Variants in MECOM observed in about 807,000 individuals in gnomAD.
MECOM encodes the protein histone-lysine N-methyltransferase MECOM.
Under a neutral mutation model 116.3 loss-of-function variants are expected in MECOM, and 13 were observed. The ratio of observed to expected loss-of-function variants is 0.11; its 90% CI spans 0.07 to 0.18. MECOM has a LOEUF of 0.18. Ranked by LOEUF, MECOM falls within the 10% of genes least tolerant of loss-of-function variation. The pLI, the probability that MECOM is intolerant of heterozygous loss-of-function variation, is 1.00. For missense variants in MECOM, 1,299 were observed against 1,509.0 expected (o/e 0.86, Z 2.31); for synonymous variants, 528 against 535.2 (o/e 0.99, Z 0.19).
intron 1 of MECOM, among the ~76,000 whole-genome samples, chr3:169,560,048 G>A (rs1248190276): frequency 1.3e-5 from 2 of 152,104 alleles, no homozygotes; most frequent in East Asian, 1.9e-4. Flanking sequence ...GTGCTGAGAT[G>A]CCCATGTTCT....
intron 16 of MECOM, 94 bp from the exon 17 acceptor site, chr3:169,085,137 C>T: frequency 6.7e-7 from 1 of 1,490,070 alleles, no homozygotes; most frequent in Non-Finnish European, 9.2e-7. Flanking sequence ...AGGGATGGGA[C>T]CCTGAGTAGG....
intron 1 of MECOM, among the ~76,000 whole-genome samples, chr3:169,624,735 G>A (rs957597784): frequency 6.6e-6 from 1 of 152,150 alleles, no homozygotes; most frequent in African/African-American, 2.4e-5. Flanking sequence ...CCCTGGTGGT[G>A]AACATGGAAC....
In MECOM at chr3:169,116,558, A is replaced by T; in HGVS notation, c.1314T>A (p.Phe438Leu). ...EGKNHFAAGG[F>L]FGQGISLPGT... Reference sequence around the variant, plus strand: ...CAGGAAGTGAAATGCCTTGGCCAAAAAATCCACCTGCCGCAAAATGGTTCT... The same window carrying T: ...CAGGAAGTGAAATGCCTTGGCCAAATAATCCACCTGCCGCAAAATGGTTCT... Residue 438 changes from phenylalanine (F) to leucine (L), a missense_variant, in exon 8 of 17, where the codon TTT becomes TTA. Phe to Leu is a conservative substitution (Grantham distance 22). Around this residue, in one of 6 missense-constraint regions of MECOM, gnomAD observed 238 missense variants for 273.1 expected, o/e 0.87. Transcript: ENST00000651503. 6.2e-7 allele frequency: 1 copy of T among 1,614,150 alleles called. No individual in the cohort carries two copies. The highest frequency in any genetic ancestry group is 1.1e-5 in the South Asian group (1 of 91,076).
intron 1 of MECOM, among the ~76,000 whole-genome samples, chr3:169,438,423 C>T (rs1743064822): frequency 6.6e-6 from 1 of 152,138 alleles, no homozygotes; most frequent in Non-Finnish European, 1.5e-5. Flanking sequence ...AGGGAGTATG[C>T]AGTGAGACAG....
At chr3:169,233,824 C>T (rs1488111) in intron 2 of MECOM, among the ~76,000 whole-genome samples, 60,785 of 151,996 alleles carry the variant, frequency 0.4, 13,750 homozygotes, top group Middle Eastern at 0.57. Flanking sequence ...CACCTAAATT[C>T]GTCACAGTAA....
intron 2 of MECOM, among the ~76,000 whole-genome samples, chr3:169,164,397 C>T (rs1743262169): frequency 6.6e-6 from 1 of 152,158 alleles, no homozygotes; most frequent in African/African-American, 2.4e-5. Context: ...TCTAATAAAC[C>T]TCTTTCTTTT....
chr3:169,312,186 G>A (rs908047274), intron 2 of MECOM, among the ~76,000 whole-genome samples: 1 of 152,188 alleles, frequency 6.6e-6, no homozygotes, highest in Non-Finnish European at 1.5e-5. Flanking sequence ...GAAGCAAGGA[G>A]ACCAACCAAG....
At chr3:169,095,011 T>A in intron 13 of MECOM, 65 bp downstream of exon 13, 1 of 1,333,892 alleles carries the variant, frequency 7.5e-7, no homozygotes, top group Non-Finnish European at 9.9e-7. Flanking sequence ...GATCACATTA[T>A]CTTATTATCT....
intron 1 of MECOM, among the ~76,000 whole-genome samples, chr3:169,387,922 C>T (rs1330240657): frequency 6.6e-6 from 1 of 152,060 alleles, no homozygotes; most frequent in African/African-American, 2.4e-5. Flanking sequence ...CCATTATGTT[C>T]CTCATTGCAG....
At chr3:169,542,639 T>A (rs1166174523) in intron 1 of MECOM, among the ~76,000 whole-genome samples, 1 of 152,232 alleles carries the variant, frequency 6.6e-6, no homozygotes, top group African/African-American at 2.4e-5. Flanking sequence ...CTGTGAAGTA[T>A]GAAGATGCTT....
At chr3:169,549,585 C>T (rs1436306468) in intron 1 of MECOM, among the ~76,000 whole-genome samples, 22 of 152,142 alleles carry the variant, frequency 1.4e-4, no homozygotes, top group Admixed American at 1.4e-3. Flanking sequence ...AACCACACTC[C>T]CCCAGTGCCA....
chr3:169,343,534 T>C (rs555920458), intron 2 of MECOM, among the ~76,000 whole-genome samples: 1 of 152,002 alleles, frequency 6.6e-6, no homozygotes, highest in African/African-American at 2.4e-5. Flanking sequence ...TGTATTTTTT[T>C]AAAAAAGAAA....
intron 9 of MECOM, 109 bp downstream of exon 9, chr3:169,112,678 G>T: frequency 1.2e-6 from 1 of 831,330 alleles, no homozygotes; most frequent in Non-Finnish European, 1.9e-6. Flanking sequence ...CCACACCAGC[G>T]TCATAGGAAA....
intron 1 of MECOM, among the ~76,000 whole-genome samples, chr3:169,473,565 T>C (rs1749886449): frequency 6.6e-6 from 1 of 152,070 alleles, no homozygotes; most frequent in African/African-American, 2.4e-5. Flanking sequence ...GGTCAGGAGA[T>C]CGAGACAATC....
chr3:169,510,032 C>A (rs1030119931), intron 1 of MECOM, among the ~76,000 whole-genome samples: 2 of 152,216 alleles, frequency 1.3e-5, no homozygotes, highest in Non-Finnish European at 2.9e-5. Context: ...CATGTTAAAC[C>A]AAAATCCTCT....
intron 2 of MECOM, among the ~76,000 whole-genome samples, chr3:169,182,824 G>T (rs908437632): frequency 6.6e-6 from 1 of 152,064 alleles, no homozygotes; most frequent in Non-Finnish European, 1.5e-5. Flanking sequence ...TAACTTTCCT[G>T]ATTTGCATTA....
In MECOM at chr3:169,278,631, T is replaced by G. The variant is rs115616738; in HGVS notation, c.375+102556A>C. Among the ~76,000 whole-genome samples the G allele has an allele frequency of 3.0e-3, 453 of 152,344 alleles. 2 individuals are homozygous for G. Among genetic ancestry groups the G allele is most frequent in the African/African-American group, 0.01 (436 of 41,584 alleles). On this transcript the variant is annotated intron_variant, in intron 2 of 16. Transcript: ENST00000651503. ...TATATAACTACAAGATTCTTCATCTTAATTCTCTCATAATCTGTCTGATAA... is the reference window on the plus strand; with the variant it reads ...TATATAACTACAAGATTCTTCATCTGAATTCTCTCATAATCTGTCTGATAA...
intron 2 of MECOM, among the ~76,000 whole-genome samples, chr3:169,372,584 G>A (rs1273425053): frequency 6.6e-6 from 1 of 151,868 alleles, no homozygotes. Flanking sequence ...TAGGAAACAA[G>A]AAATTGGAAA....
chr3:169,197,971 T>G (rs768625886), intron 2 of MECOM, among the ~76,000 whole-genome samples: 53 of 152,132 alleles, frequency 3.5e-4, no homozygotes, highest in Non-Finnish European at 5.7e-4. Context: ...CTCCGTGTGG[T>G]TGGCAGACTT....
Sources: allele counts gnomAD v4.1 joint callset (sites outside exome capture counted in the v4.1 genomes callset), GRCh38; gene constraint gnomAD v4.1.1; regional missense constraint gnomAD v4.1.1; transcripts MANE v1.5; gene names NCBI Gene and HGNC (gene_info 2026-07-23, HGNC 2026-07-21).